The following TECPR2 variants were observed in gnomAD, a reference collection of about 807,000 sequenced individuals.
TECPR2 encodes tectonin beta-propeller repeat-containing protein 2.
TECPR2 carries 65 observed loss-of-function variants against 138.1 expected under a neutral mutation model. The ratio of observed to expected loss-of-function variants is 0.47; its 90% CI spans 0.39 to 0.58. The LOEUF (loss-of-function observed/expected upper bound fraction) is 0.58. Among genes scored for constraint, TECPR2 ranks in the 20% least tolerant of loss-of-function variants. The pLI is 0.00. For missense variants in TECPR2, 1,553 were observed against 1,824.5 expected, an observed-to-expected ratio of 0.85 and a Z score of 2.71; for synonymous variants, 746 against 749.8, an observed-to-expected ratio of 0.99 and a Z score of 0.08.
At chr14:102,436,316 TTC>T (rs1567341030) in intron 9 of TECPR2, among the ~76,000 whole-genome samples, 1 of 146,864 alleles carries the variant, frequency 6.8e-6, no homozygotes. Context: ...TCTTCTTTCT[TTC>T]TTTTTTTTTT....
intron 4 of TECPR2, among the ~76,000 whole-genome samples, chr14:102,409,359 G>A (rs971531670): frequency 6.6e-6 from 1 of 151,868 alleles, no homozygotes; most frequent in Non-Finnish European, 1.5e-5. Flanking sequence ...GAGTGCAGTG[G>A]CCCAATCTCG....
At chr14:102,477,900 A>G in intron 17 of TECPR2, among the ~76,000 whole-genome samples, 1 of 123,182 alleles carries the variant, frequency 8.1e-6, no homozygotes, top group Admixed American at 1.0e-4. Context: ...GCACCACTGC[A>G]CTCCAGCCTG....
intron 17 of TECPR2, among the ~76,000 whole-genome samples, chr14:102,491,951 G>A: frequency 6.6e-6 from 1 of 152,212 alleles, no homozygotes; most frequent in Non-Finnish European, 1.5e-5. Flanking sequence ...CCAATTAGAG[G>A]TGTCCAGGAG....
intron 17 of TECPR2, among the ~76,000 whole-genome samples, chr14:102,483,198 T>C (rs1890933228): frequency 6.6e-6 from 1 of 152,054 alleles, no homozygotes; most frequent in African/African-American, 2.4e-5. Flanking sequence ...CTGTTTTTCT[T>C]TCTGAAAGTT....
chr14:102,425,020 A>G lies in TECPR2; in HGVS notation c.680A>G (p.Lys227Arg). 5 of 1,614,032 alleles carry G rather than the reference A, an allele frequency of 3.1e-6. No homozygotes were observed. Among genetic ancestry groups the G allele is most frequent in the Non-Finnish European group, 3.4e-6 (4 of 1,179,974 alleles). ...GCTTGTTTTATACCAGGACTCTGTA[A>G]GCAAAGTGATCTAACCTTGTATGCG... is the stretch of plus-strand genomic sequence containing the variant. ...FGACFIPGLC[K>R]QSDLTLYASR... Residue 227 changes from lysine (K) to arginine (R), a missense_variant, in exon 6 of 20, where the codon AAG becomes AGG. Coordinates refer to ENST00000359520, the MANE Select transcript of TECPR2 (RefSeq NM_014844.5).
At chr14:102,390,241 GC>G (rs1888131056) in intron 2 of TECPR2, among the ~76,000 whole-genome samples, 1 of 152,184 alleles carries the variant, frequency 6.6e-6, no homozygotes, top group Admixed American at 6.5e-5. Flanking sequence ...TTAGCTGAAT[GC>G]TATTGTAATG....
In TECPR2 at chr14:102,496,483, G is replaced by A. The variant is rs539969344; in HGVS notation, c.3790-496G>A. Among the ~76,000 whole-genome samples the A allele has an allele frequency of 2.0e-5, 3 of 152,356 alleles. No individual in the cohort carries two copies. In the South Asian group the frequency reaches 6.2e-4, roughly 32 times the overall value. On this transcript the variant is annotated intron_variant, in intron 17 of 19. Coordinates refer to ENST00000359520, the MANE Select transcript of TECPR2 (RefSeq NM_014844.5). ...GACCAGGGCAGGGCGGCAGTCTTGT[G>A]CCGCGGCCTGGTCAACGCAGATGTT... is the stretch of plus-strand genomic sequence containing the variant.
intron 17 of TECPR2, among the ~76,000 whole-genome samples, chr14:102,475,144 G>C (rs1890730297): frequency 6.6e-6 from 1 of 152,234 alleles, no homozygotes; most frequent in Admixed American, 6.5e-5. Context: ...GGAGAGGGAA[G>C]TGCTGTCAGG....
Position 102,415,875 on chromosome 14 carries a change from G to A in TECPR2, c.638+1082G>A, listed in dbSNP as rs1208483506. 6.6e-6 allele frequency among the ~76,000 whole-genome samples: 1 copy of A among 152,178 alleles called. No individual in the cohort carries two copies. Among genetic ancestry groups the A allele is most frequent in the Non-Finnish European group, 1.5e-5 (1 of 68,032 alleles). ...CAGCAGGGACTGGGAAACATGGTGA[G>A]ATTGGCAGGCGTTGATGAGGCCCTG... On this transcript the variant is annotated intron_variant, in intron 5 of 19. Transcript: ENST00000359520. The surrounding 1 kb of genome is among the most constrained non-coding windows in gnomAD (Gnocchi z 4.3).
At position 102,433,313 on chromosome 14, in the gene TECPR2, G is replaced by A. The variant is rs146935753; in HGVS notation, c.1418-922G>A. 1.4e-3 allele frequency among the ~76,000 whole-genome samples: 217 copies of A among 151,790 alleles called. 5 individuals are homozygous for A. The East Asian group carries it at 0.034, about 24-fold the overall frequency. The stretch of plus-strand genomic sequence containing the variant: ...TTTGACCCATGCCGCCTCCTCTCCC[G>A]CTCTGGAGGTCCACAGTGTCTGTCC... On this transcript the variant is annotated intron_variant, in intron 8 of 19. Transcript: ENST00000359520.
chr14:102,476,380 A>AC (rs1890763480), intron 17 of TECPR2, among the ~76,000 whole-genome samples: 1 of 144,336 alleles, frequency 6.9e-6, no homozygotes, highest in East Asian at 2.2e-4. Context: ...AAAAAAAAAA[A>AC]ACAACAAAAC....
chr14:102,400,070 G>A (rs1170800401), intron 2 of TECPR2, among the ~76,000 whole-genome samples: 1 of 140,750 alleles, frequency 7.1e-6, no homozygotes, highest in East Asian at 2.0e-4. Flanking sequence ...TTTTTAGATG[G>A]TGTCTTGCTC....
chr14:102,392,697 C>T (rs914937584), intron 2 of TECPR2, among the ~76,000 whole-genome samples: 1 of 152,090 alleles, frequency 6.6e-6, no homozygotes, highest in African/African-American at 2.4e-5. Context: ...TTTCTAATTA[C>T]GAGCAATGTG....
chr14:102,417,230 G>C (rs1429827651), intron 5 of TECPR2, among the ~76,000 whole-genome samples: 1 of 152,224 alleles, frequency 6.6e-6, no homozygotes, highest in Non-Finnish European at 1.5e-5. Flanking sequence ...CAGAATAAGA[G>C]GAAATGTTTT....
chr14:102,429,372 G>A (rs17780137), intron 7 of TECPR2, among the ~76,000 whole-genome samples: 6,245 of 152,228 alleles, frequency 0.041, 146 homozygotes, highest in Middle Eastern at 0.092. Context: ...GATTTGCATA[G>A]AGTTTTAGAA....
chr14:102,406,098 G>C (rs1888651312), intron 2 of TECPR2, among the ~76,000 whole-genome samples: 1 of 152,136 alleles, frequency 6.6e-6, no homozygotes, highest in African/African-American at 2.4e-5. Context: ...GGGAATTATT[G>C]TTTAATAGAG....
chr14:102,428,849 C>CT (rs541769149), intron 7 of TECPR2, among the ~76,000 whole-genome samples: 6,086 of 141,038 alleles, frequency 0.043, 153 homozygotes, highest in Middle Eastern at 0.098. Flanking sequence ...TCCTCTGATT[C>CT]TTTTTTTTTT....
intron 17 of TECPR2, among the ~76,000 whole-genome samples, chr14:102,495,429 G>A (rs1891254067): frequency 6.6e-6 from 1 of 152,154 alleles, no homozygotes; most frequent in South Asian, 2.1e-4. Context: ...CTATTCCATG[G>A]ACCTGGGATT....
rs189989638 is a variant in TECPR2 at position 102,468,088 on chromosome 14, C to T, written c.3789+2799C>T. Among the ~76,000 whole-genome samples, 111 of 151,972 alleles carry T rather than the reference C, an allele frequency of 7.3e-4. 1 individual carries two copies. Among genetic ancestry groups the T allele is most frequent in the African/African-American group, 2.1e-3 (87 of 41,462 alleles). On this transcript the variant is annotated intron_variant, in intron 17 of 19. Transcript: ENST00000359520. ...CTCAAACTCCTGGCCTCAGGTGATC[C>T]GCCCACCTCGGCCTCCCAAAGTGCT... is the stretch of plus-strand genomic sequence containing the variant.
Sources: gnomAD v4.1 joint callset for allele counts (sites outside exome capture counted in the v4.1 genomes callset) on GRCh38, gnomAD v4.1.1 for gene constraint, Gnocchi (gnomAD v3.1) non-coding constraint, MANE v1.5 for transcripts, NCBI Gene and HGNC (gene_info 2026-07-23, HGNC 2026-07-21) for gene names.